ANK3: variants seen among roughly 807,000 people sequenced by gnomAD.
The protein encoded by ANK3 is ankyrin-3.
ANK3 carries 57 observed loss-of-function variants against 370.9 expected under a neutral mutation model. That is an observed-to-expected ratio of 0.15 (90% CI 0.12 to 0.19). The LOEUF (loss-of-function observed/expected upper bound fraction) is 0.19, where lower values mean the gene tolerates loss of function less well. ANK3 is among the 10% of genes least tolerant of loss of function. ANK3 has a pLI of 1.00. For missense variants in ANK3, 4,439 were observed against 5,302.1 expected (o/e 0.84, Z 5.06); for synonymous variants, 1,929 against 1,946.3 (o/e 0.99, Z 0.23).
intron 24 of ANK3, chr10:60,137,374 GAAAA>G (rs201151245): frequency 4.6e-4 from 75 of 164,236 alleles, no homozygotes; most frequent in East Asian, 6.3e-4. Context: ...GTAATTTTAG[GAAAA>G]AAAAAAAAAA....
rs2064454976 is a variant in ANK3 at position 60,446,651 on chromosome 10, C to T, written c.97-167012G>A. Among the ~76,000 whole-genome samples the T allele has an allele frequency of 3.9e-5, 6 of 152,200 alleles. No homozygotes were observed. In the South Asian group the frequency reaches 1.2e-3, roughly 31 times the overall value. ...GCCAAGGGCAGATAACATGTACAGGCTCTGAAGCTTGATACCATTTTTCCA... is the reference window on the plus strand; with the variant it reads ...GCCAAGGGCAGATAACATGTACAGGTTCTGAAGCTTGATACCATTTTTCCA... On this transcript the variant is annotated intron_variant, in intron 2 of 43. Coordinates refer to the ANK3 transcript ENST00000373827.
intron 1 of ANK3, among the ~76,000 whole-genome samples, chr10:60,359,672 C>G (rs1594462142): frequency 6.6e-6 from 1 of 152,112 alleles, no homozygotes; most frequent in African/African-American, 2.4e-5. Flanking sequence ...TGTGGTGGCT[C>G]ATGCCTGTAA....
At chr10:60,559,286 C>G (rs117038457) in intron 2 of ANK3, among the ~76,000 whole-genome samples, 1 of 152,070 alleles carries the variant, frequency 6.6e-6, no homozygotes. Context: ...CCCCAGTGTC[C>G]CCAGAGTCCA....
chr10:60,187,436 T>C (rs1427013086), intron 16 of ANK3, among the ~76,000 whole-genome samples: 1 of 152,198 alleles, frequency 6.6e-6, no homozygotes, highest in African/African-American at 2.4e-5. Flanking sequence ...ATTACAGGCG[T>C]GAGTCACTGC....
intron 25 of ANK3, among the ~76,000 whole-genome samples, chr10:60,123,668 T>C (rs1263431441): frequency 2.0e-5 from 3 of 152,362 alleles, no homozygotes; most frequent in Admixed American, 6.5e-5. Context: ...AAGGTGGTCT[T>C]GCAAATTAAC....
chr10:60,522,233 G>C (rs1169634144), intron 2 of ANK3, among the ~76,000 whole-genome samples: 1 of 151,994 alleles, frequency 6.6e-6, no homozygotes, highest in Non-Finnish European at 1.5e-5. Context: ...CGTTTAGCCA[G>C]GTGTTTCCAA....
chr10:60,340,473 G>A (rs1903204), intron 1 of ANK3, among the ~76,000 whole-genome samples: 106,012 of 151,942 alleles, frequency 0.7, 38,266 homozygotes, highest in South Asian at 0.92. Flanking sequence ...TGCAAGTGGT[G>A]CAATCTCAGC....
intron 1 of ANK3, among the ~76,000 whole-genome samples, chr10:60,640,976 T>C (rs1338251001): frequency 7.3e-6 from 1 of 136,690 alleles, no homozygotes; most frequent in East Asian, 2.1e-4. Flanking sequence ...AGCATTCTTA[T>C]ATACCAATAA....
In ANK3 at chr10:60,709,979, C is replaced by A. The variant is rs149105623; in HGVS notation, c.57+23284G>T. Among the ~76,000 whole-genome samples the A allele has an allele frequency of 9.9e-5, 15 of 152,246 alleles. 1 individual carries two copies. The highest frequency in any genetic ancestry group is 3.6e-4 in the African/African-American group (15 of 41,530). ...AATGATGGGCAGCCACAGCTGTAGA[C>A]CTCAATCTAAGGTACATATCAAGCA... On this transcript the variant is annotated intron_variant, in intron 1 of 43. Coordinates refer to the ANK3 transcript ENST00000373827.
intron 25 of ANK3, among the ~76,000 whole-genome samples, chr10:60,126,463 A>G (rs1435876699): frequency 6.6e-6 from 1 of 152,112 alleles, no homozygotes; most frequent in Non-Finnish European, 1.5e-5. Context: ...AGGCGGGTGG[A>G]TCACATGAGG....
rs963136425 is a variant in ANK3 at position 60,029,278 on chromosome 10, C to T, written c.*568G>A. ...ATTTGTTAAATGCATTTGCAATATT[C>T]TGTTTGTGTTCTAAGAGGCAGTGCC... On this transcript the variant is annotated 3_prime_UTR_variant, in exon 44 of 44. Coordinates refer to ENST00000280772, the MANE Select transcript of ANK3 (RefSeq NM_020987.5). 1 of 152,406 alleles carries T rather than the reference C, an allele frequency of 6.6e-6. No individual in the cohort carries two copies. The highest frequency in any genetic ancestry group is 2.4e-5 in the African/African-American group (1 of 41,394). 9.4% of individuals were successfully genotyped at this position (152,406 alleles called of 1,614,324 possible).
chr10:60,408,199 C>T (rs2063491224), intron 2 of ANK3, among the ~76,000 whole-genome samples: 1 of 152,172 alleles, frequency 6.6e-6, no homozygotes, highest in South Asian at 2.1e-4. Context: ...CTTATGATTT[C>T]TCTGTCACTG....
chr10:60,314,273 C>A (rs1281516433), intron 1 of ANK3, among the ~76,000 whole-genome samples: 1 of 152,178 alleles, frequency 6.6e-6, no homozygotes, highest in Non-Finnish European at 1.5e-5. Context: ...ATTCCAGGCA[C>A]TGCACTAAGC....
intron 42 of ANK3, chr10:60,043,358 A>G: frequency 1.0e-6 from 1 of 984,794 alleles, no homozygotes; most frequent in Non-Finnish European, 1.2e-6. Context: ...CAATTTTGTG[A>G]TTTGTACTTC....
chr10:60,262,087 T>A (rs2097815544), intron 6 of ANK3, 130 bp from the exon 7 acceptor site: 1 of 714,974 alleles, frequency 1.4e-6, no homozygotes. Context: ...CATTCTGTAC[T>A]AGGTTTCGAT....
chr10:60,235,560 T>G (rs1035225835), intron 7 of ANK3, among the ~76,000 whole-genome samples: 6 of 145,354 alleles, frequency 4.1e-5, no homozygotes, highest in East Asian at 2.1e-4. Context: ...GTTTTTTTTT[T>G]TTTTTTTTTT....
intron 1 of ANK3, among the ~76,000 whole-genome samples, chr10:60,280,212 G>A (rs1421012543): frequency 6.6e-6 from 1 of 152,074 alleles, no homozygotes; most frequent in Non-Finnish European, 1.5e-5. Flanking sequence ...ATGGACATGC[G>A]CCGCCATGCC....
chr10:60,164,705 C>G (rs564340983), intron 23 of ANK3, among the ~76,000 whole-genome samples: 1 of 152,184 alleles, frequency 6.6e-6, no homozygotes, highest in East Asian at 1.9e-4. Flanking sequence ...TCCAAATGGA[C>G]TATGCAGCTT....
chr10:60,060,905 A>AG (rs1252838226), intron 40 of ANK3, among the ~76,000 whole-genome samples: 1 of 152,140 alleles, frequency 6.6e-6, no homozygotes, highest in Non-Finnish European at 1.5e-5. Context: ...ACAAAAGGGG[A>AG]GGGGGGAACG....
Sources: allele counts gnomAD v4.1 joint callset (sites outside exome capture counted in the v4.1 genomes callset), GRCh38; gene constraint gnomAD v4.1.1; transcripts MANE v1.5; gene names NCBI Gene and HGNC (gene_info 2026-07-23, HGNC 2026-07-21).